GZMA: variants seen among roughly 807,000 people sequenced by gnomAD.
GZMA encodes granzyme A, also known as CTL tryptase.
In GZMA, 17 loss-of-function variants were observed where a neutral mutation model predicts 21.1. The observed-to-expected ratio is 0.81, with a 90% CI of 0.55 to 1.21. The LOEUF (loss-of-function observed/expected upper bound fraction) is 1.21. Among genes scored for constraint, GZMA ranks in the 50% most tolerant of loss-of-function variants. GZMA has a pLI of 0.00. For synonymous variants in GZMA, 90 were observed against 107.8 expected (o/e 0.83, Z 1.03); for missense variants, 306 against 315.9 (o/e 0.97, Z 0.24).
At position 55,110,179 on chromosome 5, in the gene GZMA, TTAAA is replaced by T. The variant is rs1429681470; in HGVS notation, c.*1_*4del. 2 of 1,582,460 alleles carry T rather than the reference TTAAA, an allele frequency of 1.3e-6. No homozygotes were observed. Among genetic ancestry groups the T allele is most frequent in the Non-Finnish European group, 1.7e-6 (2 of 1,167,608 alleles). On this transcript the variant is annotated stop_retained_variant and 3_prime_UTR_variant, in exon 5 of 5. Coordinates refer to ENST00000274306, the MANE Select transcript of GZMA (RefSeq NM_006144.4). ...TAATTATGACTATCAAGGGAGCAGT[TTAAA>T]TAACCGTTTCCTTTCATTTACTGTG...
intron 1 of GZMA, among the ~76,000 whole-genome samples, chr5:55,104,978 G>T (rs1328713078): frequency 6.6e-6 from 1 of 152,170 alleles, no homozygotes; most frequent in East Asian, 1.9e-4. Flanking sequence ...AGGACTGAGG[G>T]GTAGGGTCAC....
At chr5:55,109,810 C>T (rs932377458) in intron 4 of GZMA, among the ~76,000 whole-genome samples, 1 of 152,162 alleles carries the variant, frequency 6.6e-6, no homozygotes, top group Non-Finnish European at 1.5e-5. Context: ...AGTTTCACTT[C>T]GATTTTCACT....
At chr5:55,103,414 T>C (rs1742335701) in intron 1 of GZMA, among the ~76,000 whole-genome samples, 1 of 152,242 alleles carries the variant, frequency 6.6e-6, no homozygotes, top group Non-Finnish European at 1.5e-5. Flanking sequence ...TTGGGTGTGC[T>C]ATAGTATTTT....
Position 55,108,334 on chromosome 5 carries a change from T to G in GZMA, c.567T>G (p.Pro189=). The G allele has an allele frequency of 6.2e-7, 1 of 1,612,900 alleles. No individual in the cohort carries two copies. The highest frequency in any genetic ancestry group is 1.1e-5 in the South Asian group (1 of 91,048). ...ATCGAAATCACTATAATTTTAACCC[T>G]GTGATTGGAATGAATATGGTTTGTG... ...CNDRNHYNFN[P]VIGMNMVCAG... Residue 189 remains proline, a synonymous_variant, in exon 4 of 5, where the codon CCT becomes CCG. Transcript: ENST00000274306.
At chr5:55,104,299 C>T (rs1360276060) in intron 1 of GZMA, among the ~76,000 whole-genome samples, 1 of 152,196 alleles carries the variant, frequency 6.6e-6, no homozygotes, top group East Asian at 1.9e-4. Context: ...TGAAATCTAT[C>T]TGTACATGAA....
In GZMA at chr5:55,107,835, C is replaced by A. The variant is rs1297646677; in HGVS notation, c.257C>A (p.Thr86Asn). ...GTCATTCTTGGGGCTCACTCAATAA[C>A]CAGGGAAGAGCCAACAAAACAGATA... ...SQVILGAHSI[T>N]REEPTKQIML... The change falls in exon 3 of 5, where the codon ACC (threonine) becomes AAC (asparagine). Residue 86 changes from threonine to asparagine, a missense_variant. Transcript: ENST00000274306. 6.2e-7 allele frequency: 1 copy of A among 1,612,048 alleles called. No individual in the cohort carries two copies. Among genetic ancestry groups the A allele is most frequent in the South Asian group, 1.1e-5 (1 of 91,040 alleles).
Position 55,110,121 on chromosome 5 carries a change from A to G in GZMA, c.728A>G (p.Tyr243Cys), listed in dbSNP as rs1399938817. ...GGAGACCCTCGTGGGCCTGGTGTCT[A>G]TATTCTTCTCTCAAAGAAACACCTC... Reference protein sequence around the residue: ...KCGDPRGPGVYILLSKKHLNW... With the variant: ...KCGDPRGPGVCILLSKKHLNW... Residue 243 changes from tyrosine to cysteine, a missense_variant, in exon 5 of 5, where the codon TAT becomes TGT. Tyr to Cys is a radical substitution (Grantham distance 194). Transcript: ENST00000274306. The G allele has an allele frequency of 4.3e-6, 7 of 1,612,324 alleles. No homozygotes were observed. In the African/African-American group the frequency reaches 8.0e-5, roughly 18 times the overall value.
At chr5:55,109,547 T>C (rs1742467470) in intron 4 of GZMA, among the ~76,000 whole-genome samples, 1 of 152,238 alleles carries the variant, frequency 6.6e-6, no homozygotes, top group African/African-American at 2.4e-5. Context: ...TCCAACATGG[T>C]TCTTTATTTC....
chr5:55,105,373 C>T (rs1357132330), intron 1 of GZMA, 101 bp from the exon 2 acceptor site: 4 of 980,080 alleles, frequency 4.1e-6, no homozygotes, highest in African/African-American at 3.3e-5. Flanking sequence ...TCCAGACTTC[C>T]TCTCTGAGTG....
intron 1 of GZMA, 139 bp from the exon 2 acceptor site, chr5:55,105,335 T>C: frequency 8.9e-6 from 6 of 677,818 alleles, no homozygotes; most frequent in South Asian, 4.0e-5. Flanking sequence ...CGGGTCTACA[T>C]AGAGTAAAAG....
rs1421342674 is a variant in GZMA at position 55,108,273 on chromosome 5, T to C, written c.506T>C (p.Val169Ala). The C allele has an allele frequency of 2.5e-6, 4 of 1,613,764 alleles. No homozygotes were observed. The South Asian group carries it at 3.3e-5, about 13-fold the overall frequency. ...TCTTGGTCCGATACTCTGAGAGAAG[T>C]CAATATCACCATCATAGACAGAAAA... The part of the protein sequence containing the change: ...SASWSDTLRE[V>A]NITIIDRKVC... Residue 169 changes from valine to alanine, a missense_variant, in exon 4 of 5, where the codon GTC becomes GCC. By Grantham distance (64) the Val-to-Ala change is moderately conservative (BLOSUM62 0). Transcript: ENST00000274306.
chr5:55,107,748 C>G lies in GZMA; in HGVS notation c.216-46C>G, dbSNP rs764546928. 6 of 1,529,094 alleles carry G rather than the reference C, an allele frequency of 3.9e-6. No homozygotes were observed. In the East Asian group the frequency reaches 1.1e-4, roughly 29 times the overall value. 94.7% of individuals were successfully genotyped at this position (1,529,094 alleles called of 1,614,324 possible). ...CTGATCAGTATATATGCTCAACTGCCAATACAAAGAATAAATCCAGTAAAT... is the reference window on the plus strand; with the variant it reads ...CTGATCAGTATATATGCTCAACTGCGAATACAAAGAATAAATCCAGTAAAT... On this transcript the variant is annotated intron_variant, in intron 2 of 4. Transcript: ENST00000274306.
At chr5:55,108,420 C>T in intron 4 of GZMA, 26 bp downstream of exon 4, 1 of 1,583,192 alleles carries the variant, frequency 6.3e-7, no homozygotes, top group Non-Finnish European at 8.6e-7. Flanking sequence ...TCCCACGTTT[C>T]AGCTATTGAA....
Position 55,106,286 on chromosome 5 carries a change from T to TAA in GZMA, c.215+671_215+672dup, listed in dbSNP as rs1444661439. Among the ~76,000 whole-genome samples the TAA allele has an allele frequency of 7.1e-3, 10 of 1,400 alleles. 5 individuals carry two copies. Among genetic ancestry groups the TAA allele is most frequent in the East Asian group, 0.33 (2 of 6 alleles). 0.9% of individuals were successfully genotyped at this position (1,400 alleles called of 152,430 possible). On this transcript the variant is annotated intron_variant, in intron 2 of 4. Transcript: ENST00000274306. ...ATAAATAAAATAAAATAAAATAAAATAAAATAAAATAAAATATAAAATAAA... is the reference window on the plus strand; with the variant it reads ...ATAAATAAAATAAAATAAAATAAAATAAAAAATAAAATAAAATATAAAATAAA...
chr5:55,107,640 C>A (rs1013571381), intron 2 of GZMA, among the ~76,000 whole-genome samples, 154 bp from the exon 3 acceptor site: 2 of 152,126 alleles, frequency 1.3e-5, no homozygotes, highest in African/African-American at 4.8e-5. Flanking sequence ...CATAAACATT[C>A]TTTTATTCTT....
rs1742451264 is a variant in GZMA at position 55,108,383 on chromosome 5, G to C, written c.616G>C (p.Asp206His). Residue 206 changes from aspartate to histidine, a missense_variant, in exon 4 of 5, where the codon GAC (aspartate) becomes CAC (histidine). Asp to His is a moderately conservative substitution (Grantham distance 81). Coordinates refer to ENST00000274306, the MANE Select transcript of GZMA (RefSeq NM_006144.4). ...TGCTGGAAGCCTCCGAGGTGGAAGAGACTCGTGCAATGTAAGTAAAATAAG... is the reference window on the plus strand; with the variant it reads ...TGCTGGAAGCCTCCGAGGTGGAAGACACTCGTGCAATGTAAGTAAAATAAG... ...VCAGSLRGGR[D>H]SCNGDSGSPL... The C allele has an allele frequency of 6.2e-7, 1 of 1,611,428 alleles. No homozygotes were observed.
chr5:55,102,836 C>T, intron 1 of GZMA, 84 bp downstream of exon 1: 1 of 840,468 alleles, frequency 1.2e-6, no homozygotes, highest in Non-Finnish European at 2.1e-6. Context: ...ATATTACCTT[C>T]CTATACTGAA....
chr5:55,103,480 G>A (rs150525886), intron 1 of GZMA, among the ~76,000 whole-genome samples: 14 of 152,280 alleles, frequency 9.2e-5, no homozygotes, highest in Admixed American at 7.2e-4. Flanking sequence ...GCTTTTGTGT[G>A]AGTTGAGCAT....
chr5:55,106,298 A>T (rs201566852), intron 2 of GZMA, among the ~76,000 whole-genome samples: 1 of 5,860 alleles, frequency 1.7e-4, no homozygotes, highest in African/African-American at 2.8e-4. Context: ...AAATAAAATA[A>T]AATATAAAAT....
Sources: gnomAD v4.1 joint callset for allele counts (sites outside exome capture counted in the v4.1 genomes callset) on GRCh38, gnomAD v4.1.1 for gene constraint, MANE v1.5 for transcripts, NCBI Gene and HGNC (gene_info 2026-07-23, HGNC 2026-07-21) for gene names.